Variants in FAT3 observed in about 807,000 individuals in gnomAD.
FAT3 encodes protocadherin Fat 3.
FAT3 carries 95 observed loss-of-function variants against 310.2 expected under a neutral mutation model. The observed-to-expected ratio is 0.31, with a 90% CI of 0.26 to 0.36. The LOEUF is 0.36. Among genes scored for constraint, FAT3 ranks in the 10% least tolerant of loss-of-function variants. The pLI is 1.00. For synonymous variants in FAT3, 2,314 were observed against 2,192.9 expected (o/e 1.06, Z -1.54); for missense variants, 5,408 against 5,715.6 (o/e 0.95, Z 1.74).
chr11:92,701,851 C>T (rs1267179480), intron 4 of FAT3, among the ~76,000 whole-genome samples: 1 of 152,118 alleles, frequency 6.6e-6, no homozygotes, highest in African/African-American at 2.4e-5. Flanking sequence ...TATATAATCA[C>T]TTGTATGGAT....
chr11:92,564,016 G>T (rs886450986), intron 3 of FAT3, among the ~76,000 whole-genome samples: 11 of 151,518 alleles, frequency 7.3e-5, no homozygotes, highest in Non-Finnish European at 1.6e-4. Context: ...ATAATGACAA[G>T]ATCAAATTCA....
intron 3 of FAT3, among the ~76,000 whole-genome samples, chr11:92,560,449 G>T (rs635259): frequency 0.39 from 58,822 of 149,964 alleles, 12,112 homozygotes; most frequent in Middle Eastern, 0.52. Context: ...TAAAGTCTAG[G>T]TTTTTTTTTT....
At chr11:92,551,414 T>TTTTGTGTGTGTGTGTGTG (rs139398937) in intron 3 of FAT3, among the ~76,000 whole-genome samples, 1 of 128,876 alleles carries the variant, frequency 7.8e-6, no homozygotes, top group African/African-American at 2.9e-5. Context: ...TTTTTTTGTT[T>TTTTGTGTGTGTGTGTGTG]TGTGTGTGTG....
chr11:92,753,798 G>GTGTGTGTGTGTATA lies in FAT3; in HGVS notation c.3670-8057_3670-8056insGTGTGTGTGTATAT. Among the ~76,000 whole-genome samples, 67 of 119,124 alleles carry GTGTGTGTGTGTATA rather than the reference G, an allele frequency of 5.6e-4. 5 individuals carry two copies. The highest frequency in any genetic ancestry group is 2.1e-3 in the Admixed American group (27 of 12,572). 78.1% of individuals were successfully genotyped at this position (119,124 alleles called of 152,430 possible). A position where few individuals can be genotyped will look rare whatever the true frequency, so the allele number is the denominator to read the frequency against. ...GGTGTGTGTGTGTGTGTGTGTGTGT[G>GTGTGTGTGTGTATA]TATATATATATGGTGGAATACTACT... On this transcript the variant is annotated intron_variant, in intron 4 of 27. Transcript: ENST00000525166.
Position 92,892,992 on chromosome 11 carries a change from T to C in FAT3, c.*1879T>C, listed in dbSNP as rs1224189260. On this transcript the variant is annotated 3_prime_UTR_variant, in exon 28 of 28. Transcript: ENST00000525166. Reference sequence around the variant, plus strand: ...TAAATATATGCATATTTGCACTATCTGCTTAATGAGCAAATCTGTGTCCAC... The same window carrying C: ...TAAATATATGCATATTTGCACTATCCGCTTAATGAGCAAATCTGTGTCCAC... 1 of 152,250 alleles carries C rather than the reference T, an allele frequency of 6.6e-6. No individual in the cohort carries two copies. The highest frequency in any genetic ancestry group is 1.5e-5 in the Non-Finnish European group (1 of 68,058). The allele number at this position is 152,250 out of a possible 1,614,324, so 9.4% of individuals were successfully genotyped here.
chr11:92,380,185 C>A (rs140406472), intron 2 of FAT3, among the ~76,000 whole-genome samples: 3 of 151,580 alleles, frequency 2.0e-5, no homozygotes, highest in African/African-American at 4.8e-5. Context: ...AAAACGAATG[C>A]GAATGTACTC....
intron 14 of FAT3, 65 bp from the exon 15 acceptor site, chr11:92,834,805 A>T: frequency 7.5e-7 from 1 of 1,331,584 alleles, no homozygotes; most frequent in Non-Finnish European, 1.0e-6. Flanking sequence ...TATTACCATG[A>T]TTATAGAATT....
At chr11:92,687,257 C>A (rs990526600) in intron 3 of FAT3, among the ~76,000 whole-genome samples, 1 of 152,174 alleles carries the variant, frequency 6.6e-6, no homozygotes. Context: ...CTAGTATTGT[C>A]CCCATTTCAG....
intron 1 of FAT3, among the ~76,000 whole-genome samples, chr11:92,228,118 T>G (rs376398095): frequency 1.3e-5 from 2 of 152,122 alleles, no homozygotes; most frequent in East Asian, 3.9e-4. Flanking sequence ...TCATATCATC[T>G]GAATCACACA....
At chr11:92,607,061 G>A (rs994840658) in intron 3 of FAT3, among the ~76,000 whole-genome samples, 2 of 152,100 alleles carry the variant, frequency 1.3e-5, no homozygotes, top group East Asian at 1.9e-4. Flanking sequence ...ATCACAACTC[G>A]TGGATGTCCT....
At chr11:92,881,001 A>G (rs1397473302) in intron 23 of FAT3, 117 bp downstream of exon 23, 2 of 1,111,408 alleles carry the variant, frequency 1.8e-6, no homozygotes, top group Non-Finnish European at 2.6e-6. Flanking sequence ...AAGGGTTAAC[A>G]TCTGCACGAT....
intron 2 of FAT3, among the ~76,000 whole-genome samples, chr11:92,388,292 C>G (rs1489514825): frequency 1.3e-5 from 2 of 152,112 alleles, no homozygotes; most frequent in African/African-American, 4.8e-5. Context: ...TTCCCTCACT[C>G]CCTTACATGG....
chr11:92,761,199 C>A (rs1380521613), intron 4 of FAT3, among the ~76,000 whole-genome samples: 1 of 152,130 alleles, frequency 6.6e-6, no homozygotes, highest in African/African-American at 2.4e-5. Flanking sequence ...AATCAAGGCA[C>A]TAGCAGATTC....
intron 3 of FAT3, among the ~76,000 whole-genome samples, chr11:92,566,436 A>C (rs1428225387): frequency 6.6e-6 from 1 of 151,994 alleles, no homozygotes; most frequent in Admixed American, 6.6e-5. Flanking sequence ...AGGAAGAATC[A>C]ATATCGTGAA....
intron 3 of FAT3, among the ~76,000 whole-genome samples, chr11:92,683,816 A>G (rs1056920281): frequency 6.6e-6 from 1 of 152,212 alleles, no homozygotes; most frequent in Non-Finnish European, 1.5e-5. Flanking sequence ...AACATGAAAT[A>G]CATTAATATA....
chr11:92,292,617 C>G (rs1282241164), intron 1 of FAT3, among the ~76,000 whole-genome samples: 1 of 152,054 alleles, frequency 6.6e-6, no homozygotes, highest in Non-Finnish European at 1.5e-5. Context: ...TGAGGTTATA[C>G]TGCATATAGC....
chr11:92,565,741 A>C (rs1214641577), intron 3 of FAT3, among the ~76,000 whole-genome samples: 1 of 151,912 alleles, frequency 6.6e-6, no homozygotes, highest in Non-Finnish European at 1.5e-5. Flanking sequence ...ATATACACAA[A>C]TCAATAAATG....
intron 1 of FAT3, among the ~76,000 whole-genome samples, chr11:92,237,867 C>A (rs1864494361): frequency 6.6e-6 from 1 of 151,948 alleles, no homozygotes; most frequent in South Asian, 2.1e-4. Context: ...ATCTGAGATC[C>A]TGAATAAGAT....
At chr11:92,525,352 C>G (rs1953823616) in intron 3 of FAT3, among the ~76,000 whole-genome samples, 1 of 152,184 alleles carries the variant, frequency 6.6e-6, no homozygotes, top group South Asian at 2.1e-4. Context: ...TCCTTAAAGC[C>G]TTCACCTCAA....
Sources: gnomAD v4.1 joint callset for allele counts (sites outside exome capture counted in the v4.1 genomes callset) on GRCh38, gnomAD v4.1.1 for gene constraint, MANE v1.5 for transcripts, NCBI Gene and HGNC (gene_info 2026-07-23, HGNC 2026-07-21) for gene names.